Variants in EBF3 observed in about 807,000 individuals in gnomAD.
EBF3 encodes the protein transcription factor COE3.
In EBF3, 18 loss-of-function variants were observed where a neutral mutation model predicts 77.1. The ratio of observed to expected loss-of-function variants is 0.23; its 90% confidence interval spans 0.16 to 0.35. The LOEUF (loss-of-function observed/expected upper bound fraction) is 0.35. Among genes scored for constraint, EBF3 ranks in the 10% least tolerant of loss-of-function variants. EBF3 has a pLI of 1.00. For synonymous variants in EBF3, 350 were observed against 343.5 expected (o/e 1.02, Z -0.21); for missense variants, 558 against 860.0 (o/e 0.65, Z 4.39).
chr10:129,932,308 GC>G (rs1395526388), intron 6 of EBF3, among the ~76,000 whole-genome samples: 25 of 152,308 alleles, frequency 1.6e-4, no homozygotes, highest in Non-Finnish European at 1.5e-4. Flanking sequence ...AAGCTGCCTA[GC>G]CTGGGAGGCA....
intron 6 of EBF3, among the ~76,000 whole-genome samples, chr10:129,878,680 AAAAG>A (rs1241358090): frequency 6.6e-6 from 1 of 150,980 alleles, no homozygotes; most frequent in Non-Finnish European, 1.5e-5. Context: ...AAAAAAAAAA[AAAAG>A]AGTTACAGTA....
chr10:129,900,881 G>T (rs182158421), intron 6 of EBF3, among the ~76,000 whole-genome samples: 27 of 152,320 alleles, frequency 1.8e-4, no homozygotes, highest in African/African-American at 6.3e-4. Context: ...GAAGGTCCCA[G>T]TGCAAACCCA....
At chr10:129,922,905 G>GC (rs930132279) in intron 6 of EBF3, among the ~76,000 whole-genome samples, 32 of 152,222 alleles carry the variant, frequency 2.1e-4, no homozygotes, top group East Asian at 3.9e-4. Flanking sequence ...TCAGGGTGAG[G>GC]CCCCCCCGAC....
intron 6 of EBF3, among the ~76,000 whole-genome samples, chr10:129,914,661 C>A (rs991677586): frequency 6.6e-6 from 1 of 152,172 alleles, no homozygotes; most frequent in African/African-American, 2.4e-5. Flanking sequence ...ACCCACTGTG[C>A]GGCCGGTCCA....
At chr10:129,910,866 G>C (rs1334199625) in intron 6 of EBF3, among the ~76,000 whole-genome samples, 2 of 152,158 alleles carry the variant, frequency 1.3e-5, no homozygotes, top group Admixed American at 1.3e-4. Context: ...CAAGGGGAGG[G>C]TTCCAAGCAG....
intron 10 of EBF3, among the ~76,000 whole-genome samples, chr10:129,854,578 T>G (rs1009307585): frequency 6.6e-6 from 1 of 152,224 alleles, no homozygotes; most frequent in Non-Finnish European, 1.5e-5. Context: ...CTTTGCACAT[T>G]AACGCGGCCA....
At chr10:129,887,286 G>T (rs1402346161) in intron 6 of EBF3, among the ~76,000 whole-genome samples, 4 of 152,194 alleles carry the variant, frequency 2.6e-5, no homozygotes, top group Non-Finnish European at 4.4e-5. Context: ...TGTTTGAAGA[G>T]TATTCAGGAC....
chr10:129,934,462 C>A (rs939623542), intron 6 of EBF3, among the ~76,000 whole-genome samples: 2 of 152,244 alleles, frequency 1.3e-5, no homozygotes, highest in Non-Finnish European at 2.9e-5. Context: ...TCGCCGCACA[C>A]AGGGACCTGC....
At chr10:129,845,862 C>A (rs914665520) in intron 11 of EBF3, 3 of 150,844 alleles carry the variant, frequency 2.0e-5, no homozygotes, top group African/African-American at 7.3e-5. Context: ...TATGACTATG[C>A]ACCTTATAAT....
chr10:129,878,535 G>C (rs1367575514), intron 6 of EBF3, among the ~76,000 whole-genome samples: 1 of 151,922 alleles, frequency 6.6e-6, no homozygotes, highest in South Asian at 2.1e-4. Context: ...CAGGTGCGGT[G>C]GCATGTGCCT....
intron 6 of EBF3, among the ~76,000 whole-genome samples, chr10:129,907,320 G>A (rs1855215539): frequency 6.6e-6 from 1 of 152,202 alleles, no homozygotes; most frequent in South Asian, 2.1e-4. Flanking sequence ...ATTCACTGCT[G>A]ATCAAAGTTT....
chr10:129,954,539 T>C (rs1858905319), intron 6 of EBF3, among the ~76,000 whole-genome samples: 1 of 152,060 alleles, frequency 6.6e-6, no homozygotes, highest in African/African-American at 2.4e-5. Flanking sequence ...TAGAATGTGA[T>C]TACCCTGCCA....
chr10:129,958,026 T>G (rs1212470036), intron 5 of EBF3, among the ~76,000 whole-genome samples: 2 of 152,260 alleles, frequency 1.3e-5, no homozygotes, highest in Non-Finnish European at 2.9e-5. Context: ...AGTCTTCCAC[T>G]TAGAGCTTAA....
Position 129,837,735 on chromosome 10 carries a change from TGAA to T in EBF3, c.*205_*207del, listed in dbSNP as rs1849695431. 5 of 608,930 alleles carry T rather than the reference TGAA, an allele frequency of 8.2e-6. No individual in the cohort carries two copies. The highest frequency in any genetic ancestry group is 5.8e-5 in the East Asian group (2 of 34,708). The allele number at this position is 608,930 out of a possible 1,614,324, so 37.7% of individuals were successfully genotyped here. On this transcript the variant is annotated 3_prime_UTR_variant, in exon 17 of 17. Coordinates refer to ENST00000440978, the MANE Select transcript of EBF3 (RefSeq NM_001375380.1). ...TCAGTCAATAAAATGGAATTGTTCA[TGAA>T]GAAGTAGGCTGTTTGCATGTTGATT...
At chr10:129,920,731 C>G (rs145685640) in intron 6 of EBF3, among the ~76,000 whole-genome samples, 121 of 152,372 alleles carry the variant, frequency 7.9e-4, no homozygotes, top group African/African-American at 2.6e-3. Context: ...GCCCCGCACT[C>G]TGTGTGTGGC....
rs1174537681 is a variant in EBF3 at position 129,944,722 on chromosome 10, C to G, written c.554+12536G>C. Among the ~76,000 whole-genome samples, 2 of 151,886 alleles carry G rather than the reference C, an allele frequency of 1.3e-5. No homozygotes were observed. Among genetic ancestry groups the G allele is most frequent in the Admixed American group, 1.3e-4 (2 of 15,246 alleles). On this transcript the variant is annotated intron_variant, in intron 6 of 16. Coordinates refer to ENST00000440978, the MANE Select transcript of EBF3 (RefSeq NM_001375380.1). The surrounding 1 kb of genome is among the most constrained non-coding windows in gnomAD (Gnocchi z 5.1). ...TATGCCCCATGAATCTCATTTTATG[C>G]GATTAAGATCCATAAAAATTCAATA...
rs1238693798 is a variant in EBF3 at position 129,842,001 on chromosome 10, A to T, written c.1372+115T>A. The T allele has an allele frequency of 1.0e-5, 14 of 1,368,122 alleles. No homozygotes were observed. Among genetic ancestry groups the T allele is most frequent in the Non-Finnish European group, 1.4e-5 (14 of 992,814 alleles). The allele number at this position is 1,368,122 out of a possible 1,614,324, so 84.7% of individuals were successfully genotyped here. A position where few individuals can be genotyped will look rare whatever the true frequency, so the allele number is the denominator to read the frequency against. ...AAAGGAACCAGCAGAGCCAGAGAGAACAGAACGCTACGGACATTCCCCAGC... is the reference window on the plus strand; with the variant it reads ...AAAGGAACCAGCAGAGCCAGAGAGATCAGAACGCTACGGACATTCCCCAGC... On this transcript the variant is annotated intron_variant, in intron 13 of 16. Coordinates refer to ENST00000440978, the MANE Select transcript of EBF3 (RefSeq NM_001375380.1). This position sits in a 1 kb window ranked among gnomAD's most constrained non-coding sequence, Gnocchi z 4.4.
Position 129,886,852 on chromosome 10 carries a change from A to T in EBF3, c.555-9003T>A, listed in dbSNP as rs554635081. Among the ~76,000 whole-genome samples, 4 of 152,152 alleles carry T rather than the reference A, an allele frequency of 2.6e-5. No homozygotes were observed. In the South Asian group the frequency reaches 8.3e-4, roughly 32 times the overall value. ...TGTGATTCCAATGTCTGTCCTTCTA[A>T]CCGCTCCTCTCCTGTCGTGTGGGGT... is the stretch of plus-strand genomic sequence containing the variant. On this transcript the variant is annotated intron_variant, in intron 6 of 16. Transcript: ENST00000440978.
intron 15 of EBF3, 60 bp downstream of exon 15, chr10:129,840,185 C>CCCCA: frequency 7.3e-7 from 1 of 1,368,932 alleles, no homozygotes; most frequent in Non-Finnish European, 1.0e-6. Context: ...CCCACCCCCA[C>CCCCA]TCCCATCCCC....
Sources: gnomAD v4.1 joint callset for allele counts (sites outside exome capture counted in the v4.1 genomes callset) on GRCh38, gnomAD v4.1.1 for gene constraint, Gnocchi (gnomAD v3.1) non-coding constraint, MANE v1.5 for transcripts, NCBI Gene and HGNC (gene_info 2026-07-23, HGNC 2026-07-21) for gene names.